The following MYCBP2 variants were observed in gnomAD, a reference collection of about 807,000 sequenced individuals.
MYCBP2 encodes the protein MYC binding protein 2, also known as E3 ubiquitin-protein ligase MYCBP2.
In MYCBP2, 120 loss-of-function variants were observed where a neutral mutation model predicts 525.3. The ratio of observed to expected loss-of-function variants is 0.23; its 90% CI spans 0.20 to 0.27. The LOEUF is 0.27. Ranked by LOEUF, MYCBP2 falls within the 10% of genes least tolerant of loss-of-function variation. MYCBP2 has a pLI of 1.00. For synonymous variants in MYCBP2, 1,894 were observed against 1,955.8 expected, an observed-to-expected ratio of 0.97 and a Z score of 0.83; for missense variants, 4,149 against 5,657.1, an observed-to-expected ratio of 0.73 and a Z score of 8.55.
chr13:77,197,227 AAGAG>A (rs1301262859), intron 26 of MYCBP2, among the ~76,000 whole-genome samples: 1 of 152,162 alleles, frequency 6.6e-6, no homozygotes, highest in Non-Finnish European at 1.5e-5. Flanking sequence ...TAGGAATGGT[AAGAG>A]AGAGAATGGA....
At chr13:77,045,662 T>C (rs539390902) in intron 82 of MYCBP2, among the ~76,000 whole-genome samples, 169 bp from the exon 83 acceptor site, 78 of 152,320 alleles carry the variant, frequency 5.1e-4, no homozygotes, top group African/African-American at 1.9e-3. Context: ...TAAAAAATGT[T>C]CACTATAAAA....
chr13:77,124,908 T>C (rs761719268), intron 54 of MYCBP2, among the ~76,000 whole-genome samples: 1 of 152,112 alleles, frequency 6.6e-6, no homozygotes, highest in Non-Finnish European at 1.5e-5. Context: ...CTAAAGACAC[T>C]ATGCATTTAT....
chr13:77,162,514 A>G (rs777575978), intron 43 of MYCBP2, among the ~76,000 whole-genome samples: 3 of 152,254 alleles, frequency 2.0e-5, no homozygotes, highest in African/African-American at 7.2e-5. Flanking sequence ...ATTGTATAGG[A>G]GTGTAGAACA....
At chr13:77,323,542 C>T (rs540877694) in intron 1 of MYCBP2, among the ~76,000 whole-genome samples, 3 of 152,238 alleles carry the variant, frequency 2.0e-5, no homozygotes, top group African/African-American at 4.8e-5. Flanking sequence ...AATAGCCCCA[C>T]TACAAATTGC....
intron 26 of MYCBP2, among the ~76,000 whole-genome samples, chr13:77,203,762 C>A (rs1566913744): frequency 6.6e-6 from 1 of 152,230 alleles, no homozygotes; most frequent in East Asian, 1.9e-4. Flanking sequence ...ACTATCTGAT[C>A]TTTGACAAAC....
chr13:77,286,678 C>T (rs2154357526), intron 3 of MYCBP2, among the ~76,000 whole-genome samples: 1 of 130,428 alleles, frequency 7.7e-6, no homozygotes, highest in South Asian at 2.8e-4. Context: ...ATGGCCTGAA[C>T]CTGGGAGGCG....
intron 55 of MYCBP2, chr13:77,118,369 G>C (rs761925967): frequency 1.3e-6 from 1 of 762,696 alleles, no homozygotes; most frequent in Non-Finnish European, 2.4e-6. Flanking sequence ...GAAGGAAAGG[G>C]GCTGTCCGAA....
chr13:77,305,342 G>A (rs2079277863), intron 1 of MYCBP2, among the ~76,000 whole-genome samples: 1 of 152,016 alleles, frequency 6.6e-6, no homozygotes, highest in Non-Finnish European at 1.5e-5. Flanking sequence ...ATAAGAGAAT[G>A]TTGTTTACCC....
intron 52 of MYCBP2, among the ~76,000 whole-genome samples, chr13:77,131,517 AAC>A (rs55921143): frequency 0.028 from 4,169 of 146,528 alleles, 186 homozygotes; most frequent in African/African-American, 0.095. Flanking sequence ...CACACAAACA[AAC>A]ACACACACAC....
intron 54 of MYCBP2, 94 bp from the exon 55 acceptor site, chr13:77,121,589 G>T: frequency 1.6e-6 from 2 of 1,236,678 alleles, no homozygotes; most frequent in Non-Finnish European, 2.1e-6. Context: ...TTTTATGATG[G>T]TTAGATTTTA....
At chr13:77,314,772 T>G (rs2080723585) in intron 1 of MYCBP2, among the ~76,000 whole-genome samples, 1 of 152,126 alleles carries the variant, frequency 6.6e-6, no homozygotes, top group Admixed American at 6.5e-5. Flanking sequence ...AGAGTGATTA[T>G]GATGTGTCAG....
At chr13:77,283,694 C>T (rs1339114977) in intron 3 of MYCBP2, among the ~76,000 whole-genome samples, 4 of 152,008 alleles carry the variant, frequency 2.6e-5, no homozygotes, top group African/African-American at 7.2e-5. Context: ...CTCAAGAGTT[C>T]GAGACCAGCC....
chr13:77,324,742 G>A (rs909290614), intron 1 of MYCBP2, among the ~76,000 whole-genome samples: 5 of 152,052 alleles, frequency 3.3e-5, no homozygotes, highest in East Asian at 1.9e-4. Context: ...GTCTAAAACC[G>A]TTAATATAGT....
chr13:77,161,214 CTGAAGTCAGACTAA>C (rs1193271380), intron 44 of MYCBP2, among the ~76,000 whole-genome samples: 7 of 152,136 alleles, frequency 4.6e-5, no homozygotes, highest in African/African-American at 1.7e-4. Flanking sequence ...TACTAGCTAG[CTGAAGTCAGACTAA>C]TGAAGTAAGA....
chr13:77,216,398 C>T (rs1316471442), intron 21 of MYCBP2, among the ~76,000 whole-genome samples: 3 of 152,082 alleles, frequency 2.0e-5, no homozygotes, highest in Admixed American at 6.5e-5. Flanking sequence ...GATGCTAAAT[C>T]TAGGGGGAAA....
chr13:77,160,717 C>A (rs2057808074), intron 44 of MYCBP2, among the ~76,000 whole-genome samples: 1 of 152,192 alleles, frequency 6.6e-6, no homozygotes, highest in South Asian at 2.1e-4. Flanking sequence ...TTACTAACTA[C>A]ATATACCTAG....
At chr13:77,157,839 T>C in intron 45 of MYCBP2, 98 bp downstream of exon 45, 4 of 1,011,786 alleles carry the variant, frequency 4.0e-6, no homozygotes, top group South Asian at 1.5e-5. Flanking sequence ...ACCAGACTTT[T>C]TTAAAGTAGT....
chr13:77,201,881 C>G (rs2062628628), intron 26 of MYCBP2, among the ~76,000 whole-genome samples: 1 of 152,002 alleles, frequency 6.6e-6, no homozygotes, highest in African/African-American at 2.4e-5. Flanking sequence ...ATCTCTGGGA[C>G]ACATTCAAAG....
chr13:77,287,192 CTT>C (rs71102733), intron 3 of MYCBP2, among the ~76,000 whole-genome samples: 5 of 125,028 alleles, frequency 4.0e-5, no homozygotes, highest in Admixed American at 8.3e-5. Context: ...CAGCCAGTTT[CTT>C]TTTTTTTTTT....
Sources: gnomAD v4.1 joint callset for allele counts (sites outside exome capture counted in the v4.1 genomes callset) on GRCh38, gnomAD v4.1.1 for gene constraint, MANE v1.5 for transcripts, NCBI Gene and HGNC (gene_info 2026-07-23, HGNC 2026-07-21) for gene names.